The following CRYBG1 variants were observed in gnomAD, a reference collection of about 807,000 sequenced individuals.
The protein encoded by CRYBG1 is crystallin beta-gamma domain containing 1.
A neutral mutation model predicts 189.2 loss-of-function variants in CRYBG1; 139 were observed. That is an observed-to-expected ratio of 0.73 (90% CI 0.64 to 0.85). The LOEUF (loss-of-function observed/expected upper bound fraction) is 0.85, where lower values mean the gene tolerates loss of function less well. Among genes scored for constraint, CRYBG1 ranks in the 40% least tolerant of loss-of-function variants. The probability of loss-of-function intolerance (pLI) is 0.00; values close to 1 mark genes in which losing one functional copy is unlikely to be tolerated. For synonymous variants in CRYBG1, 1,023 were observed against 1,017.1 expected (o/e 1.01, Z -0.11); for missense variants, 2,611 against 2,675.8 (o/e 0.98, Z 0.53).
rs188698329 is a variant in CRYBG1, at chr6:106,391,745, G to A, written c.173+30664G>A. Reference sequence around the variant, plus strand: ...TTGCTGGCCCTGGGCCTAGGGGAAAGAAATACACAATGACTTTGGTGCCTG... The same window carrying A: ...TTGCTGGCCCTGGGCCTAGGGGAAAAAAATACACAATGACTTTGGTGCCTG... On this transcript the variant is annotated intron_variant, in intron 1 of 21. Coordinates refer to ENST00000633556, the MANE Select transcript of CRYBG1 (RefSeq NM_001371242.2). 4.5e-3 allele frequency among the ~76,000 whole-genome samples: 682 copies of A among 152,260 alleles called. 3 individuals carry two copies. The highest frequency in any genetic ancestry group is 5.3e-3 in the Non-Finnish European group (362 of 68,018).
At chr6:106,521,750 G>A (rs944578507) in intron 4 of CRYBG1, among the ~76,000 whole-genome samples, 1 of 110,260 alleles carries the variant, frequency 9.1e-6, no homozygotes, top group Non-Finnish European at 1.7e-5. Context: ...ACAGAGTCTC[G>A]CTCTGTCGCC....
At chr6:106,378,234 C>T (rs74932507) in intron 1 of CRYBG1, among the ~76,000 whole-genome samples, 1,816 of 152,294 alleles carry the variant, frequency 0.012, 22 homozygotes, top group African/African-American at 0.041. Flanking sequence ...ATTCACTTTC[C>T]CCTACCTTGT....
chr6:106,562,311 T>C (rs1010544098), intron 20 of CRYBG1, among the ~76,000 whole-genome samples: 2 of 152,178 alleles, frequency 1.3e-5, no homozygotes, highest in African/African-American at 4.8e-5. Context: ...AGTTGTAATA[T>C]GGAATCATGA....
At chr6:106,423,620 T>C (rs1771170429) in intron 1 of CRYBG1, among the ~76,000 whole-genome samples, 2 of 151,070 alleles carry the variant, frequency 1.3e-5, no homozygotes. Flanking sequence ...TTTTAAATAC[T>C]AAAGGATTTA....
At chr6:106,416,453 T>C (rs1030732821) in intron 1 of CRYBG1, among the ~76,000 whole-genome samples, 35 of 152,326 alleles carry the variant, frequency 2.3e-4, no homozygotes, top group African/African-American at 8.2e-4. Flanking sequence ...TCTTTCAGAT[T>C]TCTAGTTTCA....
chr6:106,528,621 A>T (rs985023416), intron 7 of CRYBG1, among the ~76,000 whole-genome samples: 9 of 151,964 alleles, frequency 5.9e-5, no homozygotes, highest in African/African-American at 1.9e-4. Context: ...CATCTTTGTG[A>T]TTGGCAACTG....
At chr6:106,415,725 CAA>C (rs34513369) in intron 1 of CRYBG1, among the ~76,000 whole-genome samples, 1 of 138,158 alleles carries the variant, frequency 7.2e-6, no homozygotes, top group Admixed American at 7.3e-5. Flanking sequence ...GACCCTGTCT[CAA>C]AAAAAAAAAA....
chr6:106,518,553 C>T (rs555930018), intron 3 of CRYBG1, among the ~76,000 whole-genome samples: 51 of 152,302 alleles, frequency 3.3e-4, no homozygotes, highest in African/African-American at 1.2e-3. Flanking sequence ...GTTCATCCCT[C>T]ATCCCTAGAG....
rs557174873 is a variant in CRYBG1, at chr6:106,563,640, C to T, written c.6139-124C>T. On this transcript the variant is annotated intron_variant, in intron 20 of 21. Transcript: ENST00000633556. The stretch of plus-strand genomic sequence containing the variant: ...TAGTTGGCTAAGAGCTGAACTGCCT[C>T]ATGTGGGGTAAATGAAGCTAGGAAC... 2.6e-5 allele frequency: 25 copies of T among 943,710 alleles called. No individual in the cohort carries two copies. In the South Asian group the frequency reaches 4.4e-4, roughly 16 times the overall value. The allele number at this position is 943,710 out of a possible 1,614,324, so 58.5% of individuals were successfully genotyped here.
chr6:106,367,160 C>T (rs1342873607), intron 1 of CRYBG1, among the ~76,000 whole-genome samples: 2 of 152,132 alleles, frequency 1.3e-5, no homozygotes, highest in Non-Finnish European at 2.9e-5. Context: ...TTACTTTATC[C>T]CCCCTCTATT....
At chr6:106,468,242 C>G (rs572475538) in intron 2 of CRYBG1, among the ~76,000 whole-genome samples, 1 of 152,230 alleles carries the variant, frequency 6.6e-6, no homozygotes, top group African/African-American at 2.4e-5. Context: ...GCAATAGGAA[C>G]TGGAGCAGGA....
At chr6:106,558,436 G>T in intron 17 of CRYBG1, 50 bp from the exon 18 acceptor site, 1 of 1,430,244 alleles carries the variant, frequency 7.0e-7, no homozygotes. Flanking sequence ...ACATAAGTTT[G>T]AATTATTAAC....
At chr6:106,449,926 A>G (rs557215674) in intron 1 of CRYBG1, among the ~76,000 whole-genome samples, 1 of 152,216 alleles carries the variant, frequency 6.6e-6, no homozygotes, top group Non-Finnish European at 1.5e-5. Context: ...GTGACTTTTT[A>G]AAAAAGTATG....
chr6:106,366,864 T>C (rs1244668578), intron 1 of CRYBG1, among the ~76,000 whole-genome samples: 42 of 152,214 alleles, frequency 2.8e-4, no homozygotes, highest in Non-Finnish European at 2.9e-5. Flanking sequence ...GTAGTAGTAT[T>C]AATACATACA....
chr6:106,369,729 G>A (rs1449718063), intron 1 of CRYBG1, among the ~76,000 whole-genome samples: 1 of 152,216 alleles, frequency 6.6e-6, no homozygotes. Context: ...TTGATTGAGA[G>A]ATGCAGTTTA....
chr6:106,530,852 T>C (rs377271087), intron 8 of CRYBG1, among the ~76,000 whole-genome samples: 2 of 152,190 alleles, frequency 1.3e-5, no homozygotes, highest in East Asian at 3.8e-4. Context: ...TACTGAAGAA[T>C]GTGGTCTCCA....
intron 2 of CRYBG1, among the ~76,000 whole-genome samples, chr6:106,457,765 C>T (rs1348508035): frequency 6.6e-6 from 1 of 152,126 alleles, no homozygotes; most frequent in African/African-American, 2.4e-5. Context: ...GATCTAGTAC[C>T]TAGCTTAAAT....
intron 13 of CRYBG1, among the ~76,000 whole-genome samples, 197 bp downstream of exon 13, chr6:106,545,130 T>C (rs1174757655): frequency 6.6e-6 from 1 of 152,218 alleles, no homozygotes. Context: ...CCATCTCTTC[T>C]TTTTACGTTT....
At chr6:106,417,827 G>A (rs900318927) in intron 1 of CRYBG1, among the ~76,000 whole-genome samples, 1 of 152,254 alleles carries the variant, frequency 6.6e-6, no homozygotes. Context: ...GGAACATGCT[G>A]TTGCCCAGGC....
Sources: allele counts gnomAD v4.1 joint callset (sites outside exome capture counted in the v4.1 genomes callset), GRCh38; gene constraint gnomAD v4.1.1; transcripts MANE v1.5; gene names NCBI Gene and HGNC (gene_info 2026-07-23, HGNC 2026-07-21).